The following NCKAP5 variants were observed in gnomAD, a reference collection of about 807,000 sequenced individuals.
The protein encoded by NCKAP5 is nck-associated protein 5.
NCKAP5 carries 92 observed loss-of-function variants against 167.0 expected under a neutral mutation model. That is an observed-to-expected ratio of 0.55 (90% CI 0.47 to 0.66). The LOEUF (loss-of-function observed/expected upper bound fraction) is 0.66. Among genes scored for constraint, NCKAP5 ranks in the 30% least tolerant of loss-of-function variants. The pLI is 0.00. For missense variants in NCKAP5, 2,378 were observed against 2,315.0 expected (o/e 1.03, Z -0.56); for synonymous variants, 891 against 877.4 (o/e 1.02, Z -0.27).
intron 3 of NCKAP5, among the ~76,000 whole-genome samples, chr2:133,430,684 T>A (rs187762073): frequency 2.0e-4 from 30 of 152,190 alleles, no homozygotes; most frequent in African/African-American, 6.3e-4. Context: ...TAGTCATGAG[T>A]GTAGAGCTTT....
chr2:133,605,160 C>G, the NCKAP5 span, among the ~76,000 whole-genome samples: 1 of 152,156 alleles, frequency 6.6e-6, no homozygotes, highest in South Asian at 2.1e-4. Flanking sequence ...GTGTTCTCAC[C>G]AAATAAGCTG....
chr2:132,918,741 AT>A (rs1695081169), intron 8 of NCKAP5, among the ~76,000 whole-genome samples: 1 of 152,246 alleles, frequency 6.6e-6, no homozygotes, highest in African/African-American at 2.4e-5. Flanking sequence ...GTAAATAACA[AT>A]GCTTTCTGAA....
chr2:132,879,011 G>C, intron 8 of NCKAP5, 95 bp from the exon 9 acceptor site: 1 of 934,414 alleles, frequency 1.1e-6, no homozygotes, highest in Non-Finnish European at 1.7e-6. Context: ...ATCTCCTCGT[G>C]ATCCAAAACA....
intron 5 of NCKAP5, among the ~76,000 whole-genome samples, chr2:133,180,626 A>G (rs903209543): frequency 2.6e-5 from 4 of 152,202 alleles, no homozygotes; most frequent in African/African-American, 9.7e-5. Flanking sequence ...GACGTGAGCC[A>G]CTGTGCCTGG....
At chr2:132,873,362 C>T (rs923995019) in intron 9 of NCKAP5, among the ~76,000 whole-genome samples, 1 of 152,168 alleles carries the variant, frequency 6.6e-6, no homozygotes, top group Non-Finnish European at 1.5e-5. Context: ...ATCCGCCCGC[C>T]TCGGCCTCCC....
chr2:132,749,302 C>G (rs972699842), intron 16 of NCKAP5, among the ~76,000 whole-genome samples: 7 of 152,138 alleles, frequency 4.6e-5, no homozygotes, highest in Non-Finnish European at 8.8e-5. Context: ...CTCCCAGACT[C>G]AAGCCATCCT....
intron 6 of NCKAP5, among the ~76,000 whole-genome samples, chr2:133,058,174 G>A (rs746849090): frequency 3.2e-4 from 49 of 152,122 alleles, no homozygotes; most frequent in Non-Finnish European, 1.5e-4. Flanking sequence ...CAATGTACTA[G>A]GTCACCCAAG....
At position 133,397,210 on chromosome 2, in the gene NCKAP5, G is replaced by A. The variant is rs16824298; in HGVS notation, c.70-94100C>T. Among the ~76,000 whole-genome samples the A allele has an allele frequency of 9.9e-3, 1,514 of 152,166 alleles. 33 individuals are homozygous for A. Among genetic ancestry groups the A allele is most frequent in the African/African-American group, 0.032 (1,341 of 41,518 alleles). On this transcript the variant is annotated intron_variant, in intron 3 of 19. Transcript: ENST00000409261. Reference sequence around the variant, plus strand: ...TCTGAACACTCTCTCTTCCCATAACGAAATGCGTTTCTTGTTCATTCATTT... The same window carrying A: ...TCTGAACACTCTCTCTTCCCATAACAAAATGCGTTTCTTGTTCATTCATTT...
At chr2:133,504,690 C>G (rs142252521) in intron 3 of NCKAP5, among the ~76,000 whole-genome samples, 6 of 152,314 alleles carry the variant, frequency 3.9e-5, no homozygotes, top group African/African-American at 1.2e-4. Context: ...TTGGCAGCAG[C>G]CAGATAGCCA....
At chr2:133,570,358 CA>C (rs1031356714), upstream of NCKAP5, among the ~76,000 whole-genome samples, 1 of 151,970 alleles carries the variant, frequency 6.6e-6, no homozygotes, top group Non-Finnish European at 1.5e-5. Context: ...AAATAAGCCT[CA>C]AAAAGAAAAA....
intron 6 of NCKAP5, among the ~76,000 whole-genome samples, chr2:133,005,027 A>G (rs371641276): frequency 7.9e-5 from 12 of 152,192 alleles, no homozygotes; most frequent in East Asian, 3.9e-4. Flanking sequence ...TTCCCTGAAA[A>G]TCACTGTTAT....
intron 2 of NCKAP5, among the ~76,000 whole-genome samples, chr2:133,540,655 G>T (rs1000735538): frequency 6.6e-6 from 1 of 152,148 alleles, no homozygotes; most frequent in East Asian, 1.9e-4. Context: ...GCAATTGAAG[G>T]CCAGGCACAG....
chr2:132,739,710 C>T (rs532816167), intron 16 of NCKAP5, among the ~76,000 whole-genome samples: 1 of 152,254 alleles, frequency 6.6e-6, no homozygotes, highest in Non-Finnish European at 1.5e-5. Flanking sequence ...AACTACCCTG[C>T]TTATTTCCCA....
intron 3 of NCKAP5, among the ~76,000 whole-genome samples, chr2:133,492,439 T>C (rs1681552270): frequency 6.6e-6 from 1 of 152,160 alleles, no homozygotes; most frequent in African/African-American, 2.4e-5. Flanking sequence ...TGCCTGTGAT[T>C]TTCAGTTCTA....
At chr2:133,360,798 CA>C (rs1685047952) in intron 3 of NCKAP5, among the ~76,000 whole-genome samples, 1 of 151,894 alleles carries the variant, frequency 6.6e-6, no homozygotes, top group African/African-American at 2.4e-5. Flanking sequence ...AATAGGAGAA[CA>C]CTTTTGTAAG....
rs540970941 is a variant in NCKAP5, at chr2:132,839,287, T to C, written c.807+21205A>G. Among the ~76,000 whole-genome samples, 12 of 152,364 alleles carry C rather than the reference T, an allele frequency of 7.9e-5. No homozygotes were observed. In the Middle Eastern group the frequency reaches 0.01, roughly 130 times the overall value. ...TGGTCTCTCATATTATTTTGTAATA[T>C]CTACTATTTCTTCTACATTAAAATC... On this transcript the variant is annotated intron_variant, in intron 11 of 19. Transcript: ENST00000409261.
chr2:132,785,458 G>A lies in NCKAP5; in HGVS notation c.1353C>T (p.Pro451=), dbSNP rs1428619374. The change falls in exon 14 of 20, where the codon CCC becomes CCT. Residue 451 remains proline, a synonymous_variant. Coordinates refer to ENST00000409261, the MANE Select transcript of NCKAP5 (RefSeq NM_207363.3). ...IKSSSLKEYP[P]CKTADLGSPC... is the part of the protein sequence containing the mutation. Reference sequence around the variant, plus strand: ...GGCTCCCCAGGTCAGCTGTTTTGCAGGGGGGATACTCCTTGAGGCTGCTAC... The same window carrying A: ...GGCTCCCCAGGTCAGCTGTTTTGCAAGGGGGATACTCCTTGAGGCTGCTAC... The A allele has an allele frequency of 5.6e-6, 9 of 1,613,626 alleles. No individual in the cohort carries two copies. The highest frequency in any genetic ancestry group is 7.6e-6 in the Non-Finnish European group (9 of 1,179,722).
intron 6 of NCKAP5, among the ~76,000 whole-genome samples, chr2:133,015,253 C>T (rs1447754612): frequency 9.9e-5 from 15 of 151,914 alleles, no homozygotes; most frequent in Non-Finnish European, 1.8e-4. Flanking sequence ...TTAAAGTGGC[C>T]AAGTAATTTG....
chr2:132,694,338 G>A (rs1687112817), intron 19 of NCKAP5, among the ~76,000 whole-genome samples: 1 of 152,104 alleles, frequency 6.6e-6, no homozygotes, highest in Admixed American at 6.5e-5. Flanking sequence ...AGCATTTCAT[G>A]GGAAGTCTAT....
Sources: allele counts gnomAD v4.1 joint callset (sites outside exome capture counted in the v4.1 genomes callset), GRCh38; gene constraint gnomAD v4.1.1; transcripts MANE v1.5; gene names NCBI Gene and HGNC (gene_info 2026-07-23, HGNC 2026-07-21).